The following FBXO6 variants were observed in gnomAD, a reference collection of about 807,000 sequenced individuals.
FBXO6 encodes the protein F-box protein 6.
FBXO6 carries 13 observed loss-of-function variants against 25.0 expected under a neutral mutation model. The observed-to-expected ratio is 0.52, with a 90% confidence interval of 0.34 to 0.83. FBXO6 has a LOEUF of 0.83. Ranked by LOEUF, FBXO6 falls within the 40% of genes least tolerant of loss-of-function variation. FBXO6 has a pLI of 0.02. For missense variants in FBXO6, 370 were observed against 380.2 expected (o/e 0.97, Z 0.22); for synonymous variants, 138 against 155.3 (o/e 0.89, Z 0.83).
chr1:11,670,148 G>A (rs1405857688), intron 2 of FBXO6, among the ~76,000 whole-genome samples: 2 of 150,864 alleles, frequency 1.3e-5, no homozygotes, highest in Non-Finnish European at 3.0e-5. Context: ...GGGAGGCGGA[G>A]CTTGCAGTGA....
intron 2 of FBXO6, 108 bp downstream of exon 2, chr1:11,669,052 A>C: frequency 3.8e-6 from 5 of 1,330,670 alleles, no homozygotes; most frequent in Non-Finnish European, 4.1e-6. Context: ...AACCCTAAAC[A>C]CCCACCTCAC....
Position 11,673,225 on chromosome 1 carries a change from C to A in FBXO6, c.510-52C>A, listed in dbSNP as rs1438962154. ...GTATAGGTCCCACCTGCCCCCACCC[C>A]TGGGGCCAGCCCTCGGTGGCTTGGA... On this transcript the variant is annotated intron_variant, in intron 4 of 5. Coordinates refer to ENST00000376753, the MANE Select transcript of FBXO6 (RefSeq NM_018438.6). The surrounding 1 kb of genome is among the most constrained non-coding windows in gnomAD (Gnocchi z 4.3). The A allele has an allele frequency of 6.4e-7, 1 of 1,566,960 alleles. No individual in the cohort carries two copies. The highest frequency in any genetic ancestry group is 8.6e-7 in the Non-Finnish European group (1 of 1,156,352).
At position 11,673,294 on chromosome 1, in the gene FBXO6, A is replaced by G. The variant is rs775883958; in HGVS notation, c.527A>G (p.Asp176Gly). 9.3e-6 allele frequency: 15 copies of G among 1,613,528 alleles called. No individual in the cohort carries two copies. The African/African-American group carries it at 2.0e-4, about 22-fold the overall frequency. Residue 176 changes from aspartate (D) to glycine (G), a missense_variant, in exon 5 of 6, where the codon GAC becomes GGC. Physicochemically the swap from Asp to Gly is moderately conservative, Grantham distance 94. Transcript: ENST00000376753. This position sits in a 1 kb window ranked among gnomAD's most constrained non-coding sequence, Gnocchi z 4.3. The stretch of plus-strand genomic sequence containing the variant: ...TCCACCAGGTTTGCTGCCAGAGCCG[A>G]CTGTGGCTGCACCTACCAACTCAAA... ...VVKDWFAARA[D>G]CGCTYQLKVQ...
chr1:11,672,759 TG>T (rs1640657016), intron 4 of FBXO6, among the ~76,000 whole-genome samples: 1 of 152,238 alleles, frequency 6.6e-6, no homozygotes, highest in African/African-American at 2.4e-5. Flanking sequence ...GGCTCTGGCT[TG>T]GCCGGTGGCA....
rs896349090 is a variant in FBXO6, at chr1:11,673,222, C to G, written c.510-55C>G. 3 of 1,562,918 alleles carry G rather than the reference C, an allele frequency of 1.9e-6. No homozygotes were observed. The highest frequency in any genetic ancestry group is 1.8e-4 in the Middle Eastern group (1 of 5,424). On this transcript the variant is annotated intron_variant, in intron 4 of 5. Transcript: ENST00000376753. This position sits in a 1 kb window ranked among gnomAD's most constrained non-coding sequence, Gnocchi z 4.3. ...AATGTATAGGTCCCACCTGCCCCCA[C>G]CCCTGGGGCCAGCCCTCGGTGGCTT...
At chr1:11,669,937 G>A (rs1640569230) in intron 2 of FBXO6, among the ~76,000 whole-genome samples, 1 of 142,214 alleles carries the variant, frequency 7.0e-6, no homozygotes, top group African/African-American at 2.6e-5. Flanking sequence ...ACACCGCCGG[G>A]GGCGGTGGCT....
rs1640694273 is a variant in FBXO6 at position 11,673,703 on chromosome 1, G to C, written c.734G>C (p.Trp245Ser). Residue 245 changes from tryptophan (W) to serine (S), a missense_variant, in exon 6 of 6, where the codon TGG becomes TCG. By Grantham distance (177) the Trp-to-Ser change is radical (BLOSUM62 -3). Coordinates refer to ENST00000376753, the MANE Select transcript of FBXO6 (RefSeq NM_018438.6). This position sits in a 1 kb window ranked among gnomAD's most constrained non-coding sequence, Gnocchi z 4.3. ...AGGGACACCCAGTACTGGGCAGGCTGGTATGGGCCCCGAGTCACCAACAGC... is the reference window on the plus strand; with the variant it reads ...AGGGACACCCAGTACTGGGCAGGCTCGTATGGGCCCCGAGTCACCAACAGC... ...GGRDTQYWAG[W>S]YGPRVTNSSI... 6.2e-7 allele frequency: 1 copy of C among 1,614,108 alleles called. No homozygotes were observed.
At chr1:11,667,541 C>G (rs755978549) in intron 1 of FBXO6, among the ~76,000 whole-genome samples, 1 of 152,190 alleles carries the variant, frequency 6.6e-6, no homozygotes, top group Non-Finnish European at 1.5e-5. Context: ...AGCTTCCCAA[C>G]TGGTCACTGC....
chr1:11,667,599 A>ATT (rs5772466), intron 1 of FBXO6, among the ~76,000 whole-genome samples: 10 of 149,726 alleles, frequency 6.7e-5, no homozygotes, highest in South Asian at 4.2e-4. Context: ...CCTCCATCTG[A>ATT]TTTTTTTTTT....
intron 2 of FBXO6, 82 bp from the exon 3 acceptor site, chr1:11,671,184 T>A: frequency 1.3e-6 from 2 of 1,537,316 alleles, no homozygotes; most frequent in Non-Finnish European, 1.8e-6. Context: ...CCACCCTCCC[T>A]CCCGCCCTCC....
Position 11,669,708 on chromosome 1 carries a change from A to G in FBXO6, c.286+764A>G, listed in dbSNP as rs189953946. On this transcript the variant is annotated intron_variant, in intron 2 of 5. Coordinates refer to ENST00000376753, the MANE Select transcript of FBXO6 (RefSeq NM_018438.6). ...TATACGTATATATACATATGTATAC[A>G]TATATGTGTATACATATATACATAT... Among the ~76,000 whole-genome samples, 656 of 140,510 alleles carry G rather than the reference A, an allele frequency of 4.7e-3. 3 individuals carry two copies. The highest frequency in any genetic ancestry group is 0.017 in the African/African-American group (628 of 37,986). 92.2% of individuals were successfully genotyped at this position (140,510 alleles called of 152,430 possible). A position where few individuals can be genotyped will look rare whatever the true frequency, so the allele number is the denominator to read the frequency against.
Position 11,668,705 on chromosome 1 carries a change from T to C in FBXO6, c.47T>C (p.Leu16Pro). Reference sequence around the variant, plus strand: ...GCAGCCCTGGACAGCATTAACGAGCTGCCCGAGAACATCCTGCTGGAGCTG... The same window carrying C: ...GCAGCCCTGGACAGCATTAACGAGCCGCCCGAGAACATCCTGCTGGAGCTG... ...SKAALDSINE[L>P]PENILLELFT... The change falls in exon 2 of 6, where the codon CTG (leucine) becomes CCG (proline). Residue 16 changes from leucine to proline, a missense_variant. By Grantham distance (98) the Leu-to-Pro change is moderately conservative. Transcript: ENST00000376753. The C allele has an allele frequency of 6.2e-7, 1 of 1,614,064 alleles. No homozygotes were observed. The highest frequency in any genetic ancestry group is 8.5e-7 in the Non-Finnish European group (1 of 1,180,014).
intron 2 of FBXO6, among the ~76,000 whole-genome samples, chr1:11,669,561 C>T (rs946992833): frequency 2.0e-5 from 3 of 151,510 alleles, no homozygotes; most frequent in Non-Finnish European, 4.4e-5. Flanking sequence ...GTTTGCCACA[C>T]TATAGCATCC....
In FBXO6 at chr1:11,666,698, C is replaced by T. The variant is rs577244141; in HGVS notation, c.-3-1958C>T. 7.2e-5 allele frequency among the ~76,000 whole-genome samples: 11 copies of T among 152,206 alleles called. No individual in the cohort carries two copies. In the East Asian group the frequency reaches 9.7e-4, roughly 13 times the overall value. ...CACCCGGCCTGCAAAGCATTTTTCA[C>T]GAGGCACAAGTACCTCACCTGTTTT... On this transcript the variant is annotated intron_variant, in intron 1 of 5. Coordinates refer to ENST00000376753, the MANE Select transcript of FBXO6 (RefSeq NM_018438.6).
rs1640614588 is a variant in FBXO6 at position 11,671,484 on chromosome 1, G to T, written c.413+92G>T. The T allele has an allele frequency of 9.0e-6, 14 of 1,551,214 alleles. No homozygotes were observed. The Admixed American group carries it at 2.6e-4, about 29-fold the overall frequency. On this transcript the variant is annotated intron_variant, in intron 3 of 5. Transcript: ENST00000376753. ...CTCAGGCAAAGTCTTCCTAAGGGAAGTCCTCTCTGCGAAGCTCGAGGGAGG... is the reference window on the plus strand; with the variant it reads ...CTCAGGCAAAGTCTTCCTAAGGGAATTCCTCTCTGCGAAGCTCGAGGGAGG...
In FBXO6 at chr1:11,673,655, A is replaced by G; in HGVS notation, c.686A>G (p.Tyr229Cys). ...TFSDYPRGVRYILFQHGGRDT... is the reference protein window; with the variant it reads ...TFSDYPRGVRCILFQHGGRDT... ...TCAGACTACCCCCGGGGTGTCCGCT[A>G]CATCCTCTTCCAGCATGGGGGCAGG... is the stretch of plus-strand genomic sequence containing the variant. Residue 229 changes from tyrosine (Y) to cysteine (C), a missense_variant, in exon 6 of 6, where the codon TAC becomes TGC. Coordinates refer to ENST00000376753, the MANE Select transcript of FBXO6 (RefSeq NM_018438.6). This position sits in a 1 kb window ranked among gnomAD's most constrained non-coding sequence, Gnocchi z 4.3. 1 of 1,613,774 alleles carries G rather than the reference A, an allele frequency of 6.2e-7. No homozygotes were observed. The highest frequency in any genetic ancestry group is 8.5e-7 in the Non-Finnish European group (1 of 1,179,930).
intron 1 of FBXO6, among the ~76,000 whole-genome samples, chr1:11,665,686 G>C (rs1640413464): frequency 6.9e-6 from 1 of 145,282 alleles, no homozygotes; most frequent in Non-Finnish European, 1.5e-5. Flanking sequence ...TCACCCTCCC[G>C]AGTAGCTGGG....
intron 1 of FBXO6, among the ~76,000 whole-genome samples, chr1:11,666,037 C>CTTTTTTTTTTTTTTT (rs70983580): frequency 4.1e-5 from 4 of 97,386 alleles, no homozygotes; most frequent in East Asian, 5.4e-4. Context: ...TTTCTTTTCT[C>CTTTTTTTTTTTTTTT]TTTTTTTTTT....
chr1:11,670,637 AAG>A lies in FBXO6; in HGVS notation c.287-628_287-627del, dbSNP rs143765952. Among the ~76,000 whole-genome samples, 86 of 91,462 alleles carry A rather than the reference AAG, an allele frequency of 9.4e-4. 1 individual carries two copies. Among genetic ancestry groups the A allele is most frequent in the African/African-American group, 3.7e-3 (70 of 18,810 alleles). 60.0% of individuals were successfully genotyped at this position (91,462 alleles called of 152,430 possible). ...AAATTATTTTACTTATTAAAAAAAA[AAG>A]GGGGGGGGGGTGTCGCTATGTTCCC... On this transcript the variant is annotated intron_variant, in intron 2 of 5. Transcript: ENST00000376753.
Sources: gnomAD v4.1 joint callset for allele counts (sites outside exome capture counted in the v4.1 genomes callset) on GRCh38, gnomAD v4.1.1 for gene constraint, Gnocchi (gnomAD v3.1) non-coding constraint, MANE v1.5 for transcripts, NCBI Gene and HGNC (gene_info 2026-07-23, HGNC 2026-07-21) for gene names.